Variants in DGKG observed in about 807,000 individuals in gnomAD.
DGKG encodes diacylglycerol kinase gamma, also known as DAG kinase gamma.
DGKG carries 78 observed loss-of-function variants against 105.3 expected under a neutral mutation model. The ratio of observed to expected loss-of-function variants is 0.74; its 90% CI spans 0.62 to 0.89. The LOEUF (loss-of-function observed/expected upper bound fraction) is 0.89, where lower values mean the gene tolerates loss of function less well. Ranked by LOEUF, DGKG falls within the 40% of genes least tolerant of loss-of-function variation. The pLI is 0.00. For synonymous variants in DGKG, 346 were observed against 367.1 expected (o/e 0.94, Z 0.66); for missense variants, 958 against 1,020.1 (o/e 0.94, Z 0.83).
chr3:186,335,692 A>G (rs1725801850), intron 1 of DGKG, among the ~76,000 whole-genome samples: 1 of 152,196 alleles, frequency 6.6e-6, no homozygotes, highest in Non-Finnish European at 1.5e-5. Flanking sequence ...AGGTAACGCT[A>G]TATGCCAATA....
At chr3:186,306,379 G>T (rs1451062387) in intron 3 of DGKG, among the ~76,000 whole-genome samples, 1 of 152,108 alleles carries the variant, frequency 6.6e-6, no homozygotes, top group Non-Finnish European at 1.5e-5. Context: ...GACAGAGGTA[G>T]AGATATAGAG....
At chr3:186,228,467 A>G (rs1399327256) in intron 20 of DGKG, among the ~76,000 whole-genome samples, 2 of 152,122 alleles carry the variant, frequency 1.3e-5, no homozygotes, top group Non-Finnish European at 2.9e-5. Flanking sequence ...TCCTTCATTA[A>G]TCTGTTCAAA....
intron 20 of DGKG, among the ~76,000 whole-genome samples, chr3:186,239,027 G>C (rs1720551164): frequency 6.6e-6 from 1 of 152,142 alleles, no homozygotes; most frequent in African/African-American, 2.4e-5. Context: ...ATTCTCTGCA[G>C]AAAAATACAT....
At position 186,211,806 on chromosome 3, in the gene DGKG, T is replaced by C. The variant is rs759751438; in HGVS notation, c.1906A>G (p.Ile636Val). The part of the protein sequence containing the change: ...AATCKKLHDH[I>V]ELECDGVGVD... The stretch of plus-strand genomic sequence containing the variant: ...ACTTGGGAACTTACCTCCAACTCAA[T>C]GTGGTCGTGGAGTTTCTTGCAGGTC... The change falls in exon 21 of 25, where the codon ATT (isoleucine) becomes GTT (valine). Residue 636 changes from isoleucine (I) to valine (V), a missense_variant. Around this residue, in one of 2 missense-constraint regions of DGKG, gnomAD observed 315 missense variants for 400.6 expected, o/e 0.79. Transcript: ENST00000265022. 1.1e-5 allele frequency: 17 copies of C among 1,613,848 alleles called. No homozygotes were observed. The Admixed American group carries it at 2.0e-4, about 19-fold the overall frequency.
rs1339173359 is a variant in DGKG at position 186,191,660 on chromosome 3, CT to C, written c.1918-3282del. Among the ~76,000 whole-genome samples, 3 of 152,212 alleles carry C rather than the reference CT, an allele frequency of 2.0e-5. No individual in the cohort carries two copies. The East Asian group carries it at 5.8e-4, about 29-fold the overall frequency. On this transcript the variant is annotated intron_variant, in intron 21 of 24. Coordinates refer to ENST00000265022, the MANE Select transcript of DGKG (RefSeq NM_001346.3). ...CCTGTTGAGCTATGCTTTCTATGTT[CT>C]TTTTCACTTCAAACGTTGTCTAGCA...
At chr3:186,327,337 C>A (rs989490681) in intron 1 of DGKG, among the ~76,000 whole-genome samples, 20 of 150,830 alleles carry the variant, frequency 1.3e-4, no homozygotes, top group African/African-American at 4.4e-4. Context: ...TTATTTCCCC[C>A]TTTCCTCCTC....
intron 24 of DGKG, among the ~76,000 whole-genome samples, chr3:186,156,532 C>T (rs9878637): frequency 0.39 from 58,735 of 151,784 alleles, 13,488 homozygotes; most frequent in East Asian, 0.75. Context: ...TAATATCTTG[C>T]GAGAAGTTAT....
At chr3:186,323,831 G>A (rs1725200917) in intron 1 of DGKG, among the ~76,000 whole-genome samples, 2 of 151,708 alleles carry the variant, frequency 1.3e-5, no homozygotes, top group African/African-American at 2.4e-5. Flanking sequence ...CAGCTACTCA[G>A]GAGGCTGAGG....
At chr3:186,267,465 A>G in intron 13 of DGKG, 1 of 509,340 alleles carries the variant, frequency 2.0e-6, no homozygotes, top group Non-Finnish European at 3.6e-6. Context: ...GTGATAAGAT[A>G]ATCTGCACAA....
chr3:186,280,621 C>T, intron 8 of DGKG, 49 bp downstream of exon 8: 1 of 1,433,890 alleles, frequency 7.0e-7, no homozygotes, highest in African/African-American at 1.4e-5. Flanking sequence ...TGTCCCCCTC[C>T]CGTCTTAGAA....
At chr3:186,307,986 A>G (rs540411904) in intron 2 of DGKG, among the ~76,000 whole-genome samples, 8 of 151,424 alleles carry the variant, frequency 5.3e-5, no homozygotes, top group African/African-American at 1.5e-4. Flanking sequence ...CATAATTAGC[A>G]TGGTTGATTT....
At chr3:186,163,657 G>A (rs539414122) in intron 23 of DGKG, among the ~76,000 whole-genome samples, 1 of 152,226 alleles carries the variant, frequency 6.6e-6, no homozygotes, top group South Asian at 2.1e-4. Context: ...AAATGGCCAG[G>A]AGGATGGGGC....
intron 21 of DGKG, among the ~76,000 whole-genome samples, chr3:186,188,868 G>A (rs1717771315): frequency 2.0e-5 from 3 of 152,120 alleles, no homozygotes; most frequent in Admixed American, 2.0e-4. Flanking sequence ...AGGCTGGAGT[G>A]CAGTGGCACA....
In DGKG at chr3:186,210,944, G is replaced by A. The variant is rs567853144; in HGVS notation, c.1917+851C>T. 7.6e-4 allele frequency among the ~76,000 whole-genome samples: 116 copies of A among 152,320 alleles called. No individual in the cohort carries two copies. Among genetic ancestry groups the A allele is most frequent in the Non-Finnish European group, 1.4e-3 (96 of 68,024 alleles). On this transcript the variant is annotated intron_variant, in intron 21 of 24. Coordinates refer to ENST00000265022, the MANE Select transcript of DGKG (RefSeq NM_001346.3). The surrounding 1 kb of genome is among the most constrained non-coding windows in gnomAD (Gnocchi z 5.2). ...GCATAGAAGTTTGGGCTTTCAGGTGGCCAGACACCAAGGAGCTGTCCTCAT... is the reference window on the plus strand; with the variant it reads ...GCATAGAAGTTTGGGCTTTCAGGTGACCAGACACCAAGGAGCTGTCCTCAT...
intron 21 of DGKG, among the ~76,000 whole-genome samples, chr3:186,200,457 G>C (rs758639999): frequency 6.6e-6 from 1 of 152,170 alleles, no homozygotes; most frequent in Non-Finnish European, 1.5e-5. Context: ...AACGCAGCAG[G>C]CTTCTTGAAA....
intron 2 of DGKG, among the ~76,000 whole-genome samples, chr3:186,307,758 T>C (rs756428664): frequency 6.6e-6 from 1 of 152,158 alleles, no homozygotes; most frequent in Non-Finnish European, 1.5e-5. Flanking sequence ...CATTAAAAAT[T>C]CATTAAGTAT....
chr3:186,209,700 C>T (rs550525443), intron 21 of DGKG, among the ~76,000 whole-genome samples: 2 of 152,192 alleles, frequency 1.3e-5, no homozygotes, highest in African/African-American at 4.8e-5. Context: ...TGACACTCTC[C>T]CATCTCCCTG....
chr3:186,218,502 G>GAA (rs10692822), intron 20 of DGKG, among the ~76,000 whole-genome samples: 13,518 of 70,106 alleles, frequency 0.19, 2,273 homozygotes, highest in Non-Finnish European at 0.2. Flanking sequence ...GACTCCGTCT[G>GAA]AAAAAAAAAA....
chr3:186,257,555 C>T (rs1220870894), intron 17 of DGKG, among the ~76,000 whole-genome samples: 2 of 152,170 alleles, frequency 1.3e-5, no homozygotes, highest in African/African-American at 4.8e-5. Flanking sequence ...CCTGTCCTCC[C>T]ACCCCCCAAA....
Sources: allele counts gnomAD v4.1 joint callset (sites outside exome capture counted in the v4.1 genomes callset), GRCh38; gene constraint gnomAD v4.1.1; regional missense constraint gnomAD v4.1.1; non-coding constraint Gnocchi (gnomAD v3.1); transcripts MANE v1.5; gene names NCBI Gene and HGNC (gene_info 2026-07-23, HGNC 2026-07-21).